Variants in MDN1 observed in about 807,000 individuals in gnomAD.
MDN1 encodes midasin AAA ATPase 1, also known as midasin.
In MDN1, 266 loss-of-function variants were observed where a neutral mutation model predicts 669.2. That is an observed-to-expected ratio of 0.40 (90% confidence interval 0.36 to 0.44). The LOEUF (loss-of-function observed/expected upper bound fraction) is 0.44, where lower values mean the gene tolerates loss of function less well. Among genes scored for constraint, MDN1 ranks in the 20% least tolerant of loss-of-function variants. The pLI, the probability that MDN1 is intolerant of heterozygous loss-of-function variation, is 1.00. For missense variants in MDN1, 5,940 were observed against 6,754.0 expected, an observed-to-expected ratio of 0.88 and a Z score of 4.22; for synonymous variants, 2,385 against 2,457.1, an observed-to-expected ratio of 0.97 and a Z score of 0.87.
In MDN1 at chr6:89,740,220, C is replaced by T. The variant is rs1409764813; in HGVS notation, c.4593+14G>A. On this transcript the variant is annotated intron_variant, in intron 32 of 101. Transcript: ENST00000369393. ...CAAAACCTAGAAAGAAAATGTGCAT[C>T]AGTAAAGTTTTACCTCCTTTTTTCC... 6.2e-7 allele frequency: 1 copy of T among 1,610,260 alleles called. No individual in the cohort carries two copies.
intron 98 of MDN1, 29 bp from the exon 99 acceptor site, chr6:89,648,175 G>A (rs369138396): frequency 1.4e-5 from 22 of 1,606,166 alleles, no homozygotes; most frequent in Non-Finnish European, 1.8e-5. Context: ...AATACAACAG[G>A]AGTTATTTTT....
chr6:89,801,466 C>T (rs967680914), intron 2 of MDN1, among the ~76,000 whole-genome samples: 1 of 152,166 alleles, frequency 6.6e-6, no homozygotes, highest in African/African-American at 2.4e-5. Context: ...GCCTGGCCAA[C>T]ATAGTGAAAT....
chr6:89,754,855 C>T (rs1817156483), intron 20 of MDN1, among the ~76,000 whole-genome samples: 1 of 152,092 alleles, frequency 6.6e-6, no homozygotes, highest in Non-Finnish European at 1.5e-5. Flanking sequence ...CAAGTTCCTG[C>T]CCAAATGAGC....
Position 89,749,342 on chromosome 6 carries a change from A to G in MDN1, c.3643T>C (p.Phe1215Leu). 6.2e-7 allele frequency: 1 copy of G among 1,614,140 alleles called. No homozygotes were observed. Among genetic ancestry groups the G allele is most frequent in the Non-Finnish European group, 8.5e-7 (1 of 1,180,020 alleles). ...KVLSRAFRNR[F>L]VELHFDELPS... ...AACTCATCAAAGTGCAATTCCACAA[A>G]CCGATTCCTGAAGGCTCTAGAAAGG... The change falls in exon 26 of 102, where the codon TTT (phenylalanine) becomes CTT (leucine). Residue 1215 changes from phenylalanine (F) to leucine (L), a missense_variant. Physicochemically the swap from Phe to Leu is conservative, Grantham distance 22. This residue lies in a region of MDN1 where 2,292 missense variants were observed against 2,638.3 expected (regional missense o/e 0.87). Transcript: ENST00000369393.
chr6:89,664,250 T>TAG (rs2128301920), intron 85 of MDN1, among the ~76,000 whole-genome samples: 1 of 149,678 alleles, frequency 6.7e-6, no homozygotes, highest in African/African-American at 2.5e-5. Context: ...CCACTGCATC[T>TAG]AGCACACGAG....
chr6:89,661,896 T>G (rs1809794549), intron 87 of MDN1, among the ~76,000 whole-genome samples, 191 bp downstream of exon 87: 3 of 152,216 alleles, frequency 2.0e-5, no homozygotes, highest in Non-Finnish European at 4.4e-5. Flanking sequence ...ACATGTGGAC[T>G]ACCCTGTCAG....
At chr6:89,694,653 C>T (rs975286342) in intron 61 of MDN1, among the ~76,000 whole-genome samples, 3 of 152,084 alleles carry the variant, frequency 2.0e-5, no homozygotes, top group Admixed American at 1.3e-4. Context: ...AAGTGATCCT[C>T]CTGCTTCAGC....
At position 89,790,410 on chromosome 6, in the gene MDN1, G is replaced by T; in HGVS notation, c.856-9C>A. Reference sequence around the variant, plus strand: ...GAACTCCTATTACCACCCTAAAGAGGCAAGACAAAAGCCATGTCAAGAAGA... The same window carrying T: ...GAACTCCTATTACCACCCTAAAGAGTCAAGACAAAAGCCATGTCAAGAAGA... On this transcript the variant is annotated splice_polypyrimidine_tract_variant and intron_variant, in intron 5 of 101. Transcript: ENST00000369393. 3 of 1,613,514 alleles carry T rather than the reference G, an allele frequency of 1.9e-6. No homozygotes were observed. The East Asian group carries it at 6.7e-5, about 36-fold the overall frequency.
chr6:89,772,959 A>G (rs1304432495), intron 13 of MDN1, among the ~76,000 whole-genome samples: 1 of 152,204 alleles, frequency 6.6e-6, no homozygotes, highest in Non-Finnish European at 1.5e-5. Flanking sequence ...AAAAAGATCA[A>G]TAAGACAAGA....
intron 1 of MDN1, among the ~76,000 whole-genome samples, chr6:89,816,565 AAAT>A (rs928235180): frequency 2.6e-5 from 4 of 152,110 alleles, no homozygotes; most frequent in Non-Finnish European, 4.4e-5. Flanking sequence ...TCTCTTTAAA[AAAT>A]AATAAAAATT....
intron 13 of MDN1, among the ~76,000 whole-genome samples, chr6:89,773,368 C>T (rs778289690): frequency 2.0e-4 from 31 of 151,728 alleles, no homozygotes; most frequent in African/African-American, 5.1e-4. Flanking sequence ...GGTGAAACCC[C>T]ATCTCTACTA....
chr6:89,769,807 T>C (rs535111684), intron 15 of MDN1, among the ~76,000 whole-genome samples: 1 of 152,310 alleles, frequency 6.6e-6, no homozygotes, highest in East Asian at 1.9e-4. Context: ...CAACTTGCAA[T>C]GGCTAACATA....
At chr6:89,683,634 T>C (rs910327340) in intron 72 of MDN1, among the ~76,000 whole-genome samples, 197 bp downstream of exon 72, 1 of 152,116 alleles carries the variant, frequency 6.6e-6, no homozygotes, top group Non-Finnish European at 1.5e-5. Context: ...GGCACACTAA[T>C]CCTTACTGCA....
intron 15 of MDN1, among the ~76,000 whole-genome samples, chr6:89,764,862 T>A (rs527556499): frequency 3.3e-4 from 51 of 152,346 alleles, no homozygotes; most frequent in Non-Finnish European, 6.2e-4. Context: ...TTCTAAACCT[T>A]TGTATTTTAT....
rs918177980 is a variant in MDN1, at chr6:89,709,207, G to A, written c.7766-579C>T. ...AAGTTGTGAAAACCCAAGGAAGGGA[G>A]GCAAGACACAAAAAAGGGTAACATT... On this transcript the variant is annotated intron_variant, in intron 50 of 101. Coordinates refer to ENST00000369393, the MANE Select transcript of MDN1 (RefSeq NM_014611.3). 5.9e-5 allele frequency among the ~76,000 whole-genome samples: 9 copies of A among 152,120 alleles called. No homozygotes were observed. The East Asian group carries it at 1.7e-3, about 29-fold the overall frequency.
chr6:89,655,790 C>T lies in MDN1; in HGVS notation c.15464G>A (p.Ser5155Asn), dbSNP rs1809232054. The T allele has an allele frequency of 2.5e-6, 4 of 1,611,816 alleles. No homozygotes were observed. In the East Asian group the frequency reaches 8.9e-5, roughly 36 times the overall value. ...ATAGGTCTGTGCATCGTATGCGTCA[C>T]TGCCTTGTTTAATGTGCTCGAATGC... Reference protein sequence around the residue: ...ADAFEHIKQGSDAYDAQTYDV... With the variant: ...ADAFEHIKQGNDAYDAQTYDV... The change falls in exon 92 of 102, where the codon AGT (serine) becomes AAT (asparagine). Residue 5155 changes from serine (S) to asparagine (N), a missense_variant. Ser to Asn is a conservative substitution (Grantham distance 46, BLOSUM62 1). Transcript: ENST00000369393.
rs549107517 is a variant in MDN1 at position 89,803,669 on chromosome 6, C to A, written c.103-115G>T. ...CAATCTCAGCTCACTGCAAGCTCCA[C>A]CTCCCGGGTTCATGCCATTCTCCTG... On this transcript the variant is annotated intron_variant, in intron 1 of 101. Coordinates refer to ENST00000369393, the MANE Select transcript of MDN1 (RefSeq NM_014611.3). The A allele has an allele frequency of 3.3e-3, 2,506 of 763,600 alleles. 4 individuals are homozygous for A. Among genetic ancestry groups the A allele is most frequent in the Non-Finnish European group, 4.4e-3 (2,125 of 477,782 alleles). 47.3% of individuals were successfully genotyped at this position (763,600 alleles called of 1,614,324 possible). A position where few individuals can be genotyped will look rare whatever the true frequency, so the allele number is the denominator to read the frequency against.
rs1812432302 is a variant in MDN1, at chr6:89,692,452, A to G, written c.10578T>C (p.His3526=). Residue 3526 remains histidine (H), a synonymous_variant, in exon 63 of 102, where the codon CAT becomes CAC. Transcript: ENST00000369393. ...CCCAGAGATGGCTCACCTGACACAC[A>G]TGTCTGAAGAGCTGCAGGGCCCTCT... is the stretch of plus-strand genomic sequence containing the variant. ...LDQRALQLFR[H]VCQEIISEWD... 1.2e-6 allele frequency: 2 copies of G among 1,608,234 alleles called. No homozygotes were observed. The highest frequency in any genetic ancestry group is 1.3e-5 in the African/African-American group (1 of 74,846).
chr6:89,721,005 G>A (rs1286777320), intron 40 of MDN1, among the ~76,000 whole-genome samples: 2 of 152,150 alleles, frequency 1.3e-5, no homozygotes, highest in South Asian at 2.1e-4. Flanking sequence ...TGCCTTGGTG[G>A]CATGTGCCTA....
Sources: allele counts gnomAD v4.1 joint callset (sites outside exome capture counted in the v4.1 genomes callset), GRCh38; gene constraint gnomAD v4.1.1; regional missense constraint gnomAD v4.1.1; transcripts MANE v1.5; gene names NCBI Gene and HGNC (gene_info 2026-07-23, HGNC 2026-07-21).